RORA: variants seen among roughly 807,000 people sequenced by gnomAD.
RORA encodes the protein nuclear receptor ROR-alpha.
In RORA, 7 loss-of-function variants were observed where a neutral mutation model predicts 69.5. The observed-to-expected ratio is 0.10, with a 90% CI of 0.06 to 0.19. The LOEUF is 0.19. Among genes scored for constraint, RORA ranks in the 10% least tolerant of loss-of-function variants. RORA has a pLI of 1.00. For missense variants in RORA, 457 were observed against 663.0 expected, an observed-to-expected ratio of 0.69 and a Z score of 3.41; for synonymous variants, 261 against 240.8, an observed-to-expected ratio of 1.08 and a Z score of -0.78.
intron 2 of RORA, among the ~76,000 whole-genome samples, chr15:60,618,916 G>A (rs1450190948): frequency 6.6e-6 from 1 of 152,166 alleles, no homozygotes; most frequent in Non-Finnish European, 1.5e-5. Context: ...ATGCCCAAAG[G>A]TGCTCAGCAT....
At chr15:61,067,001 A>G (rs1200535111) in intron 1 of RORA, among the ~76,000 whole-genome samples, 1 of 151,832 alleles carries the variant, frequency 6.6e-6, no homozygotes, top group Non-Finnish European at 1.5e-5. Flanking sequence ...AATGGCTGTA[A>G]CCCTGATTTC....
At position 61,194,868 on chromosome 15, in the gene RORA, G is replaced by A. The variant is rs1487971016; in HGVS notation, c.166+34185C>T. On this transcript the variant is annotated intron_variant, in intron 1 of 10. Transcript: ENST00000335670. The stretch of plus-strand genomic sequence containing the variant: ...AGTTAATTAACCTTTCTAAGCTGGC[G>A]TTTTCACCTTGTAATATAGAGATAA... Among the ~76,000 whole-genome samples, 17 of 151,606 alleles carry A rather than the reference G, an allele frequency of 1.1e-4. 1 individual carries two copies. The highest frequency in any genetic ancestry group is 2.6e-4 in the Admixed American group (4 of 15,220).
intron 1 of RORA, among the ~76,000 whole-genome samples, chr15:61,102,742 C>G (rs148087162): frequency 6.6e-6 from 1 of 152,298 alleles, no homozygotes; most frequent in East Asian, 1.9e-4. Context: ...AAGCATGCAC[C>G]TAGTTTTTCT....
chr15:60,815,730 G>T (rs902981414), intron 1 of RORA, among the ~76,000 whole-genome samples: 1 of 151,050 alleles, frequency 6.6e-6, no homozygotes, highest in Non-Finnish European at 1.5e-5. Context: ...CCCCCGAGGT[G>T]TGCAGAGCCC....
chr15:60,592,476 T>TGCCGCCGCCGC (rs1555435195), intron 2 of RORA: 15 of 1,353,962 alleles, frequency 1.1e-5, no homozygotes, highest in Admixed American at 3.6e-5. Flanking sequence ...GAGCCCCCTC[T>TGCCGCCGCCGC]GCCGCCGCCG....
At chr15:60,970,039 G>A (rs888398791) in intron 1 of RORA, among the ~76,000 whole-genome samples, 11 of 152,264 alleles carry the variant, frequency 7.2e-5, no homozygotes, top group Admixed American at 1.3e-4. Context: ...AAAAAGAAGC[G>A]GGGAAAGAAG....
At chr15:61,042,414 C>T (rs538661606) in intron 1 of RORA, among the ~76,000 whole-genome samples, 1 of 152,116 alleles carries the variant, frequency 6.6e-6, no homozygotes, top group African/African-American at 2.4e-5. Flanking sequence ...AACACACAAA[C>T]ACACAATTAG....
At chr15:60,967,510 C>T (rs965626664) in intron 1 of RORA, among the ~76,000 whole-genome samples, 3 of 152,196 alleles carry the variant, frequency 2.0e-5, no homozygotes, top group Non-Finnish European at 2.9e-5. Flanking sequence ...AAATGACTGA[C>T]GGGCCTGTAA....
chr15:60,643,213 T>A (rs146910903), intron 2 of RORA, among the ~76,000 whole-genome samples: 118 of 152,288 alleles, frequency 7.7e-4, no homozygotes, highest in Non-Finnish European at 1.5e-3. Flanking sequence ...TAAAAAGAAA[T>A]CTTTTTATGT....
At chr15:60,675,762 C>CT (rs1487761899) in intron 2 of RORA, among the ~76,000 whole-genome samples, 1 of 152,224 alleles carries the variant, frequency 6.6e-6, no homozygotes, top group Non-Finnish European at 1.5e-5. Context: ...AAAATACTAT[C>CT]TGGTGTCACA....
intron 1 of RORA, among the ~76,000 whole-genome samples, chr15:61,027,949 G>A (rs138941186): frequency 2.2e-4 from 33 of 152,272 alleles, no homozygotes; most frequent in African/African-American, 7.7e-4. Context: ...AGTGTTCCAC[G>A]AAGGGTAGCT....
At chr15:60,842,081 A>C (rs1185169253) in intron 1 of RORA, among the ~76,000 whole-genome samples, 2 of 150,414 alleles carry the variant, frequency 1.3e-5, no homozygotes, top group South Asian at 4.3e-4. Context: ...TGCCAAGCTG[A>C]CCCATCCCTT....
At chr15:60,585,543 TTTAAA>T (rs2068309227) in intron 2 of RORA, among the ~76,000 whole-genome samples, 1 of 152,142 alleles carries the variant, frequency 6.6e-6, no homozygotes, top group Non-Finnish European at 1.5e-5. Flanking sequence ...AAGCTCTAGA[TTTAAA>T]AAGGGGAAAC....
intron 1 of RORA, among the ~76,000 whole-genome samples, chr15:61,087,805 C>A (rs2140690045): frequency 6.6e-6 from 1 of 152,328 alleles, no homozygotes; most frequent in South Asian, 2.1e-4. Context: ...GTGGGAATGG[C>A]ATTTTTTATG....
At position 61,226,999 on chromosome 15, in the gene RORA, C is replaced by T. The variant is rs1055352190; in HGVS notation, c.166+2054G>A. 1.4e-4 allele frequency among the ~76,000 whole-genome samples: 22 copies of T among 152,114 alleles called. No individual in the cohort carries two copies. The highest frequency in any genetic ancestry group is 2.6e-4 in the Non-Finnish European group (18 of 68,028). ...AAGGGGGCTGGTGGCACTGAATGCT[C>T]CGGCGTTACATAATTTGCAAGAACA... On this transcript the variant is annotated intron_variant, in intron 1 of 10. Transcript: ENST00000335670. This position sits in a 1 kb window ranked among gnomAD's most constrained non-coding sequence, Gnocchi z 4.2.
chr15:60,899,221 T>G (rs546175047), intron 1 of RORA, among the ~76,000 whole-genome samples: 5 of 152,304 alleles, frequency 3.3e-5, no homozygotes, highest in African/African-American at 1.2e-4. Context: ...CCAGGGAAGA[T>G]CTCATAGAAG....
intron 1 of RORA, among the ~76,000 whole-genome samples, chr15:60,893,759 G>A (rs190983795): frequency 2.0e-5 from 3 of 152,302 alleles, no homozygotes; most frequent in African/African-American, 7.2e-5. Context: ...CAGGAAGTCA[G>A]ATGGGAGAAG....
intron 1 of RORA, among the ~76,000 whole-genome samples, chr15:61,181,814 G>T (rs575337120): frequency 6.6e-6 from 1 of 151,918 alleles, no homozygotes; most frequent in South Asian, 2.1e-4. Flanking sequence ...TCCAAAAGAA[G>T]AGAGAAATAC....
chr15:60,600,528 A>T (rs1044661518), intron 2 of RORA, among the ~76,000 whole-genome samples: 6 of 152,204 alleles, frequency 3.9e-5, no homozygotes, highest in Admixed American at 2.0e-4. Context: ...TCCATCTATT[A>T]TTTATGTCCA....
Sources: allele counts gnomAD v4.1 joint callset (sites outside exome capture counted in the v4.1 genomes callset), GRCh38; gene constraint gnomAD v4.1.1; non-coding constraint Gnocchi (gnomAD v3.1); transcripts MANE v1.5; gene names NCBI Gene and HGNC (gene_info 2026-07-23, HGNC 2026-07-21).